Variants in ST6GALNAC3 observed in about 807,000 individuals in gnomAD.
ST6GALNAC3 encodes the protein alpha-N-acetylgalactosaminide alpha-2,6-sialyltransferase 3.
In ST6GALNAC3, 25 loss-of-function variants were observed where a neutral mutation model predicts 32.7. The observed-to-expected ratio is 0.76, with a 90% CI of 0.56 to 1.07. The LOEUF is 1.07. Ranked by LOEUF, ST6GALNAC3 falls within the 50% of genes least tolerant of loss-of-function variation. ST6GALNAC3 has a pLI of 0.00. For synonymous variants in ST6GALNAC3, 129 were observed against 133.1 expected, an observed-to-expected ratio of 0.97 and a Z score of 0.21; for missense variants, 355 against 382.4, an observed-to-expected ratio of 0.93 and a Z score of 0.60.
chr1:76,234,092 C>G (rs1476820092), intron 1 of ST6GALNAC3, among the ~76,000 whole-genome samples: 1 of 152,150 alleles, frequency 6.6e-6, no homozygotes, highest in Non-Finnish European at 1.5e-5. Context: ...TGTGAGAGCT[C>G]TGACTTATAC....
intron 3 of ST6GALNAC3, among the ~76,000 whole-genome samples, chr1:76,463,853 C>G (rs554811964): frequency 9.9e-5 from 15 of 152,158 alleles, no homozygotes; most frequent in African/African-American, 3.4e-4. Flanking sequence ...TTAGGTTTAA[C>G]CAGGGGGAGC....
intron 3 of ST6GALNAC3, among the ~76,000 whole-genome samples, chr1:76,462,246 AAT>A (rs1491289867): frequency 1.3e-5 from 2 of 152,064 alleles, no homozygotes; most frequent in Admixed American, 6.5e-5. Flanking sequence ...AAAAAAAAAA[AAT>A]GTGTACATAC....
At chr1:76,599,225 TTG>T (rs2100618946) in intron 3 of ST6GALNAC3, among the ~76,000 whole-genome samples, 1 of 53,574 alleles carries the variant, frequency 1.9e-5, no homozygotes, top group Admixed American at 2.1e-4. Context: ...ATGTAAGATT[TTG>T]TGTTTTTTTT....
At chr1:76,290,817 C>T (rs1442183652) in intron 1 of ST6GALNAC3, among the ~76,000 whole-genome samples, 20 of 152,182 alleles carry the variant, frequency 1.3e-4, no homozygotes, top group Non-Finnish European at 2.9e-5. Context: ...GATGATGGAT[C>T]AGCTGCTGTG....
At position 76,129,896 on chromosome 1, in the gene ST6GALNAC3, G is replaced by T. The variant is rs191355071; in HGVS notation, c.18+55012G>T. Among the ~76,000 whole-genome samples, 7 of 152,288 alleles carry T rather than the reference G, an allele frequency of 4.6e-5. No homozygotes were observed. In the East Asian group the frequency reaches 1.4e-3, roughly 29 times the overall value. Reference sequence around the variant, plus strand: ...AAACGAGCCTGCTGATACCCCTCACGATAGGTCATCATTCTCGTCATACTG... The same window carrying T: ...AAACGAGCCTGCTGATACCCCTCACTATAGGTCATCATTCTCGTCATACTG... On this transcript the variant is annotated intron_variant, in intron 1 of 4. Transcript: ENST00000328299.
intron 1 of ST6GALNAC3, among the ~76,000 whole-genome samples, chr1:76,205,231 G>A (rs1337897868): frequency 6.6e-6 from 1 of 151,980 alleles, no homozygotes; most frequent in Non-Finnish European, 1.5e-5. Flanking sequence ...GTGTTTCAGT[G>A]ATTTTCTCCC....
intron 3 of ST6GALNAC3, among the ~76,000 whole-genome samples, chr1:76,443,361 AC>A (rs1334850283): frequency 6.6e-6 from 1 of 152,168 alleles, no homozygotes; most frequent in African/African-American, 2.4e-5. Context: ...TCTTGGCCAA[AC>A]CAAAGCCAAA....
chr1:76,088,349 A>G (rs894450341), intron 1 of ST6GALNAC3, among the ~76,000 whole-genome samples: 1 of 152,218 alleles, frequency 6.6e-6, no homozygotes, highest in Non-Finnish European at 1.5e-5. Context: ...AAATTAACCT[A>G]CTTAAAAGGA....
chr1:76,085,452 T>G (rs1646951998), intron 1 of ST6GALNAC3, among the ~76,000 whole-genome samples: 1 of 152,140 alleles, frequency 6.6e-6, no homozygotes, highest in South Asian at 2.1e-4. Flanking sequence ...TTACTGAGCA[T>G]AGAGCTAAAT....
chr1:76,466,265 T>C (rs898087991), intron 3 of ST6GALNAC3, among the ~76,000 whole-genome samples: 9 of 152,170 alleles, frequency 5.9e-5, no homozygotes, highest in African/African-American at 1.9e-4. Flanking sequence ...AGATAATCTT[T>C]TATTTAGAAG....
intron 1 of ST6GALNAC3, among the ~76,000 whole-genome samples, chr1:76,166,386 T>C (rs1428212940): frequency 3.3e-5 from 5 of 152,160 alleles, no homozygotes; most frequent in African/African-American, 4.8e-5. Context: ...AGTACTATGC[T>C]GTTTGGTTAC....
intron 1 of ST6GALNAC3, among the ~76,000 whole-genome samples, chr1:76,265,341 A>T (rs1658467363): frequency 6.6e-6 from 1 of 152,196 alleles, no homozygotes. Flanking sequence ...TGCCCTAAGC[A>T]TGTTATAGAC....
At chr1:76,154,491 A>G (rs1470690922) in intron 1 of ST6GALNAC3, among the ~76,000 whole-genome samples, 2 of 152,144 alleles carry the variant, frequency 1.3e-5, no homozygotes, top group East Asian at 3.9e-4. Flanking sequence ...GTGTCTGGAA[A>G]CGCCTGTTGC....
intron 3 of ST6GALNAC3, among the ~76,000 whole-genome samples, chr1:76,434,736 T>C (rs12068326): frequency 0.19 from 29,004 of 150,994 alleles, 3,372 homozygotes; most frequent in East Asian, 0.29. Context: ...ATCTGCTTTT[T>C]ATGAGCTGTC....
chr1:76,449,674 A>G (rs1657246474), intron 3 of ST6GALNAC3, among the ~76,000 whole-genome samples: 2 of 152,220 alleles, frequency 1.3e-5, no homozygotes, highest in Non-Finnish European at 2.9e-5. Flanking sequence ...GATATAGAAC[A>G]TCTTTTCATA....
intron 3 of ST6GALNAC3, among the ~76,000 whole-genome samples, chr1:76,591,666 T>A (rs1006914847): frequency 6.6e-6 from 1 of 152,126 alleles, no homozygotes; most frequent in African/African-American, 2.4e-5. Context: ...AGAAGACACA[T>A]ATTTGTATTA....
intron 1 of ST6GALNAC3, among the ~76,000 whole-genome samples, chr1:76,165,477 C>T (rs1478057416): frequency 6.6e-6 from 1 of 152,202 alleles, no homozygotes; most frequent in East Asian, 1.9e-4. Context: ...CTGTAATTAA[C>T]ATACATGTGC....
chr1:76,386,756 T>C (rs1459004028), intron 2 of ST6GALNAC3, among the ~76,000 whole-genome samples: 6 of 152,184 alleles, frequency 3.9e-5, no homozygotes, highest in African/African-American at 1.4e-4. Flanking sequence ...TATCTCCTGA[T>C]AACCAGCAAG....
intron 2 of ST6GALNAC3, among the ~76,000 whole-genome samples, chr1:76,393,170 A>G (rs927400657): frequency 2.0e-5 from 3 of 152,344 alleles, no homozygotes; most frequent in Non-Finnish European, 2.9e-5. Flanking sequence ...AAAGTAAACT[A>G]TTCTTTATTT....
Sources: gnomAD v4.1 joint callset for allele counts (sites outside exome capture counted in the v4.1 genomes callset) on GRCh38, gnomAD v4.1.1 for gene constraint, MANE v1.5 for transcripts, NCBI Gene and HGNC (gene_info 2026-07-23, HGNC 2026-07-21) for gene names.